The following ATAD2B variants were observed in gnomAD, a reference collection of about 807,000 sequenced individuals.
ATAD2B encodes the protein ATPase family AAA domain containing 2B.
Under a neutral mutation model 167.6 loss-of-function variants are expected in ATAD2B, and 40 were observed. That is an observed-to-expected ratio of 0.24 (90% confidence interval 0.19 to 0.31). ATAD2B has a LOEUF of 0.31. Ranked by LOEUF, ATAD2B falls within the 10% of genes least tolerant of loss-of-function variation. The probability of loss-of-function intolerance (pLI) is 1.00; values close to 1 mark genes in which losing one functional copy is unlikely to be tolerated. For missense variants in ATAD2B, 1,242 were observed against 1,757.2 expected, an observed-to-expected ratio of 0.71 and a Z score of 5.24; for synonymous variants, 579 against 596.5, an observed-to-expected ratio of 0.97 and a Z score of 0.43.
chr2:23,743,934 T>C (rs1239080150), downstream of ATAD2B, among the ~76,000 whole-genome samples: 1 of 151,760 alleles, frequency 6.6e-6, no homozygotes, highest in African/African-American at 2.4e-5. Flanking sequence ...TGATTATACA[T>C]AAAAAAACAG....
At chr2:23,776,290 T>C (rs1450123274) in intron 22 of ATAD2B, among the ~76,000 whole-genome samples, 1 of 152,206 alleles carries the variant, frequency 6.6e-6, no homozygotes, top group African/African-American at 2.4e-5. Context: ...TTCTAGGTTT[T>C]TGTCCACCAT....
the ATAD2B span, among the ~76,000 whole-genome samples, chr2:23,727,049 A>C: frequency 6.6e-6 from 1 of 152,358 alleles, no homozygotes; most frequent in African/African-American, 2.4e-5. Context: ...TTTTTAAAAA[A>C]CCAAAGAAGA....
intron 22 of ATAD2B, among the ~76,000 whole-genome samples, chr2:23,772,499 A>T (rs1235754101): frequency 6.6e-6 from 1 of 152,176 alleles, no homozygotes; most frequent in East Asian, 1.9e-4. Context: ...AACTAAAAAA[A>T]AAGGTAAGAT....
Position 23,751,856 on chromosome 2 carries a change from G to A in ATAD2B, c.*190C>T, listed in dbSNP as rs553730072. 1.7e-6 allele frequency: 1 copy of A among 572,426 alleles called. No homozygotes were observed. Among genetic ancestry groups the A allele is most frequent in the East Asian group, 3.2e-5 (1 of 31,478 alleles). The allele number at this position is 572,426 out of a possible 1,614,324, so 35.5% of individuals were successfully genotyped here. On this transcript the variant is annotated 3_prime_UTR_variant, in exon 28 of 28. Transcript: ENST00000238789. Reference sequence around the variant, plus strand: ...ACAACATGTTTCTGAAGTTCTGTTTGGTTCTTGTAGGCTGGTTGGTTTCAG... The same window carrying A: ...ACAACATGTTTCTGAAGTTCTGTTTAGTTCTTGTAGGCTGGTTGGTTTCAG...
the ATAD2B span, among the ~76,000 whole-genome samples, chr2:23,682,196 G>A: frequency 2.0e-5 from 3 of 152,108 alleles, no homozygotes; most frequent in East Asian, 1.9e-4. The surrounding 1 kb of genome is among the most constrained non-coding windows in gnomAD (Gnocchi z 4.1). Context: ...GTGTAATTCC[G>A]GCCTTCTCAC....
intron 13 of ATAD2B, among the ~76,000 whole-genome samples, chr2:23,837,891 G>C (rs1011132605): frequency 1.3e-5 from 2 of 152,120 alleles, no homozygotes; most frequent in African/African-American, 4.8e-5. Context: ...TTTTTAAAAA[G>C]TATGACTTAA....
chr2:23,794,948 A>G (rs1044945163), intron 19 of ATAD2B, among the ~76,000 whole-genome samples: 7 of 152,180 alleles, frequency 4.6e-5, no homozygotes, highest in African/African-American at 1.7e-4. Context: ...ATATACAAAG[A>G]GACACAAGAG....
intron 22 of ATAD2B, among the ~76,000 whole-genome samples, chr2:23,781,875 T>C (rs1364861932): frequency 6.6e-6 from 1 of 152,050 alleles, no homozygotes; most frequent in African/African-American, 2.4e-5. Context: ...TACAGTGGCA[T>C]GATCACAGCT....
At chr2:23,832,096 C>A (rs1006221301) in intron 14 of ATAD2B, 1 of 363,944 alleles carries the variant, frequency 2.7e-6, no homozygotes, top group Non-Finnish European at 5.7e-6. Flanking sequence ...ATTTTCTGTG[C>A]TTAGCTGAAT....
At chr2:23,738,300 A>G in the ATAD2B span, among the ~76,000 whole-genome samples, 1 of 152,228 alleles carries the variant, frequency 6.6e-6, no homozygotes, top group African/African-American at 2.4e-5. Flanking sequence ...AGCCAGAGAG[A>G]AAGGTCAGGT....
At chr2:23,832,932 C>T (rs1689296869) in intron 14 of ATAD2B, among the ~76,000 whole-genome samples, 1 of 152,252 alleles carries the variant, frequency 6.6e-6, no homozygotes, top group East Asian at 1.9e-4. Context: ...GCCCTATCTA[C>T]TACAAATAAA....
the ATAD2B span, among the ~76,000 whole-genome samples, chr2:23,728,285 TC>T: frequency 6.6e-6 from 1 of 152,174 alleles, no homozygotes; most frequent in African/African-American, 2.4e-5. Context: ...ATATAATAGT[TC>T]CCTTTTGTAT....
At position 23,788,657 on chromosome 2, in the gene ATAD2B, T is replaced by C. The variant is rs1553385768; in HGVS notation, c.2641-10A>G. On this transcript the variant is annotated splice_polypyrimidine_tract_variant and intron_variant, in intron 19 of 27. Coordinates refer to ENST00000238789, the MANE Select transcript of ATAD2B (RefSeq NM_017552.4). Reference sequence around the variant, plus strand: ...TAAAGATACATTTAACCTACACATATACACACACACAAAGACATTAAATAT... The same window carrying C: ...TAAAGATACATTTAACCTACACATACACACACACACAAAGACATTAAATAT... The C allele has an allele frequency of 3.2e-6, 5 of 1,562,578 alleles. 1 individual carries two copies. The South Asian group carries it at 3.4e-5, about 11-fold the overall frequency.
chr2:23,869,699 C>T lies in ATAD2B; in HGVS notation c.1040G>A (p.Arg347Lys), dbSNP rs763087801. 1 of 1,568,392 alleles carries T rather than the reference C, an allele frequency of 6.4e-7. No individual in the cohort carries two copies. Among genetic ancestry groups the T allele is most frequent in the Non-Finnish European group, 8.7e-7 (1 of 1,154,680 alleles). The change falls in exon 9 of 28, where the codon AGA becomes AAA. Residue 347 changes from arginine (R) to lysine (K), a missense_variant. This residue lies in a region of ATAD2B where 127 missense variants were observed against 146.3 expected (regional missense o/e 0.87). Transcript: ENST00000238789. ...TTSSDEERFE[R>K]RKSKSMARAR... ...TCTTGCCATGCTCTTTGATTTCCTTCTTTCAAAGCGTTCCTCATCAGAAGA... is the reference window on the plus strand; with the variant it reads ...TCTTGCCATGCTCTTTGATTTCCTTTTTTCAAAGCGTTCCTCATCAGAAGA...
the ATAD2B span, among the ~76,000 whole-genome samples, chr2:23,688,389 CCA>C: frequency 6.6e-6 from 1 of 152,178 alleles, no homozygotes; most frequent in Admixed American, 6.5e-5. Flanking sequence ...CAGACAGTGC[CCA>C]GTTCCAACTT....
chr2:23,695,277 C>G, the ATAD2B span, among the ~76,000 whole-genome samples: 1 of 152,160 alleles, frequency 6.6e-6, no homozygotes, highest in African/African-American at 2.4e-5. This position sits in a 1 kb window ranked among gnomAD's most constrained non-coding sequence, Gnocchi z 7.6. Context: ...TCATTTTAAC[C>G]CCTCGCCCCT....
Position 23,750,642 on chromosome 2 carries a change from A to T in ATAD2B, c.*1404T>A, listed in dbSNP as rs1372558824. ...AGACACACCTGCAGCTAACGGCTAC[A>T]ATGAATGAAGATACCAAGCCAACTT... On this transcript the variant is annotated 3_prime_UTR_variant, in exon 28 of 28. Coordinates refer to ENST00000238789, the MANE Select transcript of ATAD2B (RefSeq NM_017552.4). The T allele has an allele frequency of 6.6e-6, 1 of 152,156 alleles. No homozygotes were observed. Among genetic ancestry groups the T allele is most frequent in the Non-Finnish European group, 1.5e-5 (1 of 68,002 alleles). The allele number at this position is 152,156 out of a possible 1,614,324, so 9.4% of individuals were successfully genotyped here. A position where few individuals can be genotyped will look rare whatever the true frequency, so the allele number is the denominator to read the frequency against.
intron 13 of ATAD2B, among the ~76,000 whole-genome samples, chr2:23,835,578 T>C (rs1192728990): frequency 6.6e-6 from 1 of 152,204 alleles, no homozygotes; most frequent in Non-Finnish European, 1.5e-5. Context: ...GTTCTAACAT[T>C]GACTGTAGTG....
At chr2:23,833,270 T>G (rs1251331637) in intron 14 of ATAD2B, among the ~76,000 whole-genome samples, 5 of 152,196 alleles carry the variant, frequency 3.3e-5, no homozygotes, top group Non-Finnish European at 1.5e-5. Flanking sequence ...CTATACATAT[T>G]CACATACAGT....
Sources: allele counts gnomAD v4.1 joint callset (sites outside exome capture counted in the v4.1 genomes callset), GRCh38; gene constraint gnomAD v4.1.1; regional missense constraint gnomAD v4.1.1; non-coding constraint Gnocchi (gnomAD v3.1); transcripts MANE v1.5; gene names NCBI Gene and HGNC (gene_info 2026-07-23, HGNC 2026-07-21).